Variants in NUP42 observed in about 807,000 individuals in gnomAD.
NUP42 encodes nucleoporin 42.
In NUP42, 47 loss-of-function variants were observed where a neutral mutation model predicts 35.9. The observed-to-expected ratio is 1.31, with a 90% CI of 1.04 to 1.67. The LOEUF (loss-of-function observed/expected upper bound fraction) is 1.67. Among genes scored for constraint, NUP42 ranks in the 40% most tolerant of loss-of-function variants. NUP42 has a pLI of 0.00. For synonymous variants in NUP42, 173 were observed against 173.3 expected (o/e 1.00, Z 0.01); for missense variants, 514 against 492.2 (o/e 1.04, Z -0.42).
At chr7:23,195,154 G>A (rs1000726750) in intron 3 of NUP42, 1 of 152,190 alleles carries the variant, frequency 6.6e-6, no homozygotes, top group East Asian at 1.9e-4. Context: ...TTTCAGGCTT[G>A]TGATGCTTAT....
intron 3 of NUP42, among the ~76,000 whole-genome samples, chr7:23,190,343 A>C (rs1401336805): frequency 6.6e-6 from 1 of 152,268 alleles, no homozygotes; most frequent in Non-Finnish European, 1.5e-5. Flanking sequence ...TAAGCCAAAC[A>C]TTAAGAGATG....
intron 4 of NUP42, 31 bp from the exon 5 acceptor site, chr7:23,196,649 G>T: frequency 1.4e-6 from 2 of 1,433,252 alleles, no homozygotes; most frequent in South Asian, 2.3e-5. Flanking sequence ...ATACAATATT[G>T]AACTGTTATT....
At position 23,200,167 on chromosome 7, in the gene NUP42, G is replaced by A; in HGVS notation, c.695-1G>A. The A allele has an allele frequency of 1.9e-6, 3 of 1,541,132 alleles. No homozygotes were observed. Among genetic ancestry groups the A allele is most frequent in the Non-Finnish European group, 2.6e-6 (3 of 1,142,300 alleles). On this transcript the variant is annotated splice_acceptor_variant, in intron 6 of 6. Transcript: ENST00000258742. LOFTEE classifies it high-confidence loss of function. ...TTTTTTGTTGTTGTTGTTGTTTGTA[G>A]GCTTTCCAGTCAATAACAGCAGCAG... is the stretch of plus-strand genomic sequence containing the variant.
chr7:23,195,193 A>T (rs1219132185), intron 3 of NUP42: 1 of 152,250 alleles, frequency 6.6e-6, no homozygotes, highest in East Asian at 1.9e-4. Flanking sequence ...GAAAACTTGT[A>T]CCATTTTAAT....
intron 1 of NUP42, chr7:23,182,520 T>G (rs1246225510): frequency 9.2e-7 from 1 of 1,092,572 alleles, no homozygotes; most frequent in East Asian, 5.8e-5. Context: ...TAATTTTTAC[T>G]AAGTTGTTTT....
chr7:23,184,068 A>G (rs1785509860), intron 1 of NUP42, among the ~76,000 whole-genome samples: 1 of 152,202 alleles, frequency 6.6e-6, no homozygotes, highest in African/African-American at 2.4e-5. Flanking sequence ...GATTGCTAAA[A>G]TGATTTTAAA....
At chr7:23,194,442 G>C (rs1398200545) in intron 3 of NUP42, 1 of 141,098 alleles carries the variant, frequency 7.1e-6, no homozygotes. Context: ...CTACAGCCTC[G>C]GCTGGCCTTC....
At chr7:23,195,977 T>C in intron 4 of NUP42, 62 bp downstream of exon 4, 1 of 1,060,856 alleles carries the variant, frequency 9.4e-7, no homozygotes, top group Non-Finnish European at 1.4e-6. Context: ...CTGCTTTCTT[T>C]ATCGTGGCTT....
Position 23,200,839 on chromosome 7 carries a change from A to T in NUP42, c.*94A>T. On this transcript the variant is annotated 3_prime_UTR_variant, in exon 7 of 7. Transcript: ENST00000258742. Reference sequence around the variant, plus strand: ...TATATGCATACATGTATATATTCATAAGGAATATAAGCTTCCATCAATAGT... The same window carrying T: ...TATATGCATACATGTATATATTCATTAGGAATATAAGCTTCCATCAATAGT... 1.2e-5 allele frequency: 7 copies of T among 577,564 alleles called. No homozygotes were observed. Among genetic ancestry groups the T allele is most frequent in the Non-Finnish European group, 1.6e-5 (6 of 373,404 alleles). The allele number at this position is 577,564 out of a possible 1,614,324, so 35.8% of individuals were successfully genotyped here. A position where few individuals can be genotyped will look rare whatever the true frequency, so the allele number is the denominator to read the frequency against.
intron 1 of NUP42, among the ~76,000 whole-genome samples, chr7:23,182,953 A>G (rs1435610217): frequency 6.6e-6 from 1 of 151,792 alleles, no homozygotes; most frequent in Non-Finnish European, 1.5e-5. Flanking sequence ...AGAAAATCTA[A>G]TAAAACCTAT....
rs1306100167 is a variant in NUP42, at chr7:23,200,907, A to G, written c.*162A>G. 1.7e-5 allele frequency: 7 copies of G among 411,020 alleles called. No homozygotes were observed. Among genetic ancestry groups the G allele is most frequent in the Non-Finnish European group, 2.4e-5 (6 of 245,308 alleles). 25.5% of individuals were successfully genotyped at this position (411,020 alleles called of 1,614,324 possible). A position where few individuals can be genotyped will look rare whatever the true frequency, so the allele number is the denominator to read the frequency against. On this transcript the variant is annotated 3_prime_UTR_variant, in exon 7 of 7. Coordinates refer to ENST00000258742, the MANE Select transcript of NUP42 (RefSeq NM_007342.3). The stretch of plus-strand genomic sequence containing the variant: ...TTTTCTTAACTCTAAATATTTAAGT[A>G]AAAAGTAACAAAAACTCTGCAAGCA...
chr7:23,182,154 C>T lies in NUP42; in HGVS notation c.69C>T (p.Pro23=), dbSNP rs750125977. 3 of 1,613,972 alleles carry T rather than the reference C, an allele frequency of 1.9e-6. No individual in the cohort carries two copies. Among genetic ancestry groups the T allele is most frequent in the South Asian group, 2.2e-5 (2 of 91,070 alleles). ...RFGDRCWNEH[P]GARGAGGGRQ... Reference sequence around the variant, plus strand: ...GAGATCGGTGCTGGAACGAACATCCCGGTGCTAGGGGTGCAGGAGGAGGAC... The same window carrying T: ...GAGATCGGTGCTGGAACGAACATCCTGGTGCTAGGGGTGCAGGAGGAGGAC... The change falls in exon 1 of 7, where the codon CCC becomes CCT. Residue 23 remains proline (P), a synonymous_variant. Transcript: ENST00000258742.
intron 3 of NUP42, chr7:23,194,947 C>G (rs988058764): frequency 1.3e-5 from 2 of 152,098 alleles, no homozygotes; most frequent in African/African-American, 4.8e-5. Context: ...CTCAGCCTCC[C>G]AAAGTGCTGC....
intron 6 of NUP42, among the ~76,000 whole-genome samples, chr7:23,199,801 G>A (rs1362022473): frequency 6.6e-6 from 1 of 152,250 alleles, no homozygotes; most frequent in Non-Finnish European, 1.5e-5. Context: ...ACATAGCTAT[G>A]ATAGCAGCAC....
Position 23,185,208 on chromosome 7 carries a change from C to T in NUP42, c.260C>T (p.Ala87Val), listed in dbSNP as rs1265848479. The T allele has an allele frequency of 1.2e-6, 2 of 1,614,116 alleles. No homozygotes were observed. The highest frequency in any genetic ancestry group is 1.7e-6 in the Non-Finnish European group (2 of 1,180,016). Residue 87 changes from alanine (A) to valine (V), a missense_variant, in exon 2 of 7, where the codon GCT (alanine) becomes GTT (valine). Transcript: ENST00000258742. The stretch of plus-strand genomic sequence containing the variant: ...TATTTCAGTTCTTTTGATTCTGGAG[C>T]TTCAACTAACAGGAAGGAAGGCTTT... ...KPYFSSFDSG[A>V]STNRKEGFGL...
intron 5 of NUP42, among the ~76,000 whole-genome samples, chr7:23,199,026 T>G (rs1161381071): frequency 6.6e-6 from 1 of 152,246 alleles, no homozygotes; most frequent in Non-Finnish European, 1.5e-5. Flanking sequence ...TTATACTGTT[T>G]ATACAGTATT....
Position 23,182,211 on chromosome 7 carries a change from C to G in NUP42, c.121+5C>G. On this transcript the variant is annotated splice_donor_5th_base_variant and intron_variant, in intron 1 of 6. Transcript: ENST00000258742. ...AACCGCAGCAGCAGCCTTCAGGTGA[C>G]TCTCCTCTGAATCCTCCGCGGTAAC... 1.2e-6 allele frequency: 2 copies of G among 1,603,576 alleles called. No homozygotes were observed. Among genetic ancestry groups the G allele is most frequent in the Non-Finnish European group, 1.7e-6 (2 of 1,174,718 alleles).
intron 3 of NUP42, chr7:23,195,587 GTGTT>G (rs1479737544): frequency 1.2e-5 from 4 of 332,412 alleles, no homozygotes; most frequent in South Asian, 6.0e-5. Flanking sequence ...TCTTTCTCCT[GTGTT>G]TGTTGTTCAT....
At chr7:23,185,369 CTCT>C (rs1785556478) in intron 2 of NUP42, 71 bp downstream of exon 2, 2 of 1,045,544 alleles carry the variant, frequency 1.9e-6, no homozygotes, top group Admixed American at 2.3e-5. Flanking sequence ...TTTGTTGTTT[CTCT>C]TTTTTTGTAA....
Sources: allele counts gnomAD v4.1 joint callset (sites outside exome capture counted in the v4.1 genomes callset), GRCh38; gene constraint gnomAD v4.1.1; transcripts MANE v1.5; gene names NCBI Gene and HGNC (gene_info 2026-07-23, HGNC 2026-07-21).